Variants in DNER observed in about 807,000 individuals in gnomAD.
The protein encoded by DNER is delta and Notch-like epidermal growth factor-related receptor.
In DNER, 33 loss-of-function variants were observed where a neutral mutation model predicts 78.2. That is an observed-to-expected ratio of 0.42 (90% CI 0.32 to 0.56). The LOEUF is 0.56. DNER is among the 20% of genes least tolerant of loss of function. The pLI, the probability that DNER is intolerant of heterozygous loss-of-function variation, is 0.11. For synonymous variants in DNER, 417 were observed against 384.8 expected, an observed-to-expected ratio of 1.08 and a Z score of -0.98; for missense variants, 918 against 975.3, an observed-to-expected ratio of 0.94 and a Z score of 0.78.
chr2:229,367,298 G>A (rs1692373273), intron 11 of DNER, among the ~76,000 whole-genome samples, 179 bp from the exon 12 acceptor site: 1 of 152,118 alleles, frequency 6.6e-6, no homozygotes, highest in Admixed American at 6.5e-5. Context: ...GACTTCTTAA[G>A]AATAACTAAG....
chr2:229,384,017 A>C (rs1237283447), intron 11 of DNER, among the ~76,000 whole-genome samples: 1 of 152,012 alleles, frequency 6.6e-6, no homozygotes, highest in African/African-American at 2.4e-5. Flanking sequence ...GAAGTAAAAC[A>C]CTCCTCAGCA....
At chr2:229,699,984 C>T (rs1699717739) in intron 1 of DNER, among the ~76,000 whole-genome samples, 2 of 151,822 alleles carry the variant, frequency 1.3e-5, no homozygotes, top group South Asian at 4.2e-4. Context: ...TAATTTCCCT[C>T]ATTAACAACA....
Position 229,703,480 on chromosome 2 carries a change from G to C in DNER, c.276+10668C>G, listed in dbSNP as rs573326774. ...GGGGATTTTTGTGGCCTTGGGTTAG[G>C]CAAAGATCTCTCAGATAGGACACAA... On this transcript the variant is annotated intron_variant, in intron 1 of 12. Coordinates refer to ENST00000341772, the MANE Select transcript of DNER (RefSeq NM_139072.4). Among the ~76,000 whole-genome samples, 23 of 152,202 alleles carry C rather than the reference G, an allele frequency of 1.5e-4. 1 individual carries two copies. In the South Asian group the frequency reaches 4.6e-3, roughly 30 times the overall value.
At chr2:229,426,440 C>CAAAAAAAA (rs58842918) in intron 8 of DNER, among the ~76,000 whole-genome samples, 1 of 69,210 alleles carries the variant, frequency 1.4e-5, no homozygotes, top group Non-Finnish European at 2.7e-5. Context: ...GACTCCATCT[C>CAAAAAAAA]AAAAAAAAAA....
intron 7 of DNER, among the ~76,000 whole-genome samples, chr2:229,467,913 G>A (rs778870766): frequency 1.8e-4 from 28 of 152,220 alleles, no homozygotes; most frequent in Non-Finnish European, 3.5e-4. Context: ...TTGGAAGGGA[G>A]TCAAAATACA....
chr2:229,586,572 G>T (rs1285262843), intron 3 of DNER: 9 of 306,648 alleles, frequency 2.9e-5, no homozygotes, highest in South Asian at 1.4e-4. Flanking sequence ...ACCCCACAGA[G>T]AATAGGATGT....
At chr2:229,651,079 C>T (rs1228373586) in intron 1 of DNER, among the ~76,000 whole-genome samples, 1 of 152,142 alleles carries the variant, frequency 6.6e-6, no homozygotes, top group African/African-American at 2.4e-5. Flanking sequence ...CGCTCTAATT[C>T]GAGTTGAGTC....
intron 10 of DNER, among the ~76,000 whole-genome samples, chr2:229,390,757 C>G (rs1044681928): frequency 6.6e-6 from 1 of 152,206 alleles, no homozygotes; most frequent in Non-Finnish European, 1.5e-5. Context: ...CAGTCAGGGC[C>G]CCACTTAGCT....
intron 9 of DNER, among the ~76,000 whole-genome samples, chr2:229,410,628 T>G (rs1693489625): frequency 1.3e-5 from 2 of 152,204 alleles, no homozygotes; most frequent in African/African-American, 4.8e-5. Flanking sequence ...AAACTGTAAT[T>G]CAGTCAAAAC....
chr2:229,483,200 C>CCT (rs1336027311), intron 6 of DNER, among the ~76,000 whole-genome samples: 2 of 152,150 alleles, frequency 1.3e-5, no homozygotes, highest in African/African-American at 4.8e-5. Flanking sequence ...AAACCTCCCT[C>CCT]CCAGAAACAA....
At chr2:229,501,233 C>T (rs1353890406) in intron 6 of DNER, among the ~76,000 whole-genome samples, 2 of 151,542 alleles carry the variant, frequency 1.3e-5, no homozygotes, top group East Asian at 3.9e-4. Flanking sequence ...TTGTACAACA[C>T]CGTGACTATA....
chr2:229,447,339 C>T lies in DNER; in HGVS notation c.1463G>A (p.Ser488Asn). Reference sequence around the variant, plus strand: ...ACCTGGATCACAGAGGCATTTGTAGCTGGTGCCCACGCTGCGGCACGTGCC... The same window carrying T: ...ACCTGGATCACAGAGGCATTTGTAGTTGGTGCCCACGCTGCGGCACGTGCC... ...AHGTCRSVGT[S>N]YKCLCDPGYH... is the part of the protein sequence containing the mutation. Residue 488 changes from serine to asparagine, a missense_variant, in exon 8 of 13, where the codon AGC (serine) becomes AAC (asparagine). Coordinates refer to ENST00000341772, the MANE Select transcript of DNER (RefSeq NM_139072.4). 6.2e-7 allele frequency: 1 copy of T among 1,606,264 alleles called. No homozygotes were observed. Among genetic ancestry groups the T allele is most frequent in the Non-Finnish European group, 8.5e-7 (1 of 1,176,398 alleles).
chr2:229,543,155 T>TAA (rs983190864), intron 5 of DNER, among the ~76,000 whole-genome samples: 1 of 145,028 alleles, frequency 6.9e-6, no homozygotes, highest in Non-Finnish European at 1.5e-5. Context: ...CTTAAAGTAT[T>TAA]AAAAAAAAAA....
chr2:229,497,725 A>G (rs1388985041), intron 6 of DNER, among the ~76,000 whole-genome samples: 1 of 152,186 alleles, frequency 6.6e-6, no homozygotes, highest in Non-Finnish European at 1.5e-5. Context: ...CAAATGCATA[A>G]ATTTCTAGAA....
chr2:229,558,546 CAAAT>C (rs1182911078), intron 4 of DNER, among the ~76,000 whole-genome samples: 1 of 152,158 alleles, frequency 6.6e-6, no homozygotes, highest in African/African-American at 2.4e-5. Context: ...AAAGTTTTCA[CAAAT>C]AAACATTTGC....
At chr2:229,371,552 T>C (rs1219695966) in intron 11 of DNER, among the ~76,000 whole-genome samples, 2 of 152,220 alleles carry the variant, frequency 1.3e-5, no homozygotes, top group Non-Finnish European at 2.9e-5. Context: ...CAAAGTGCTT[T>C]TGCATTAAGC....
At chr2:229,643,273 C>G (rs552909308) in intron 1 of DNER, among the ~76,000 whole-genome samples, 1 of 152,164 alleles carries the variant, frequency 6.6e-6, no homozygotes, top group Admixed American at 6.5e-5. Flanking sequence ...GGAGGTACTA[C>G]CTATGTGGTC....
At chr2:229,627,390 A>G (rs1698362905) in intron 1 of DNER, among the ~76,000 whole-genome samples, 1 of 152,248 alleles carries the variant, frequency 6.6e-6, no homozygotes, top group Non-Finnish European at 1.5e-5. Flanking sequence ...ACAACTTTAG[A>G]CATAACAGAT....
intron 1 of DNER, among the ~76,000 whole-genome samples, chr2:229,595,110 T>G (rs1220157042): frequency 3.3e-5 from 5 of 152,140 alleles, no homozygotes; most frequent in Non-Finnish European, 7.4e-5. Flanking sequence ...ACAATACTTA[T>G]TTGTGCGCCT....
Sources: gnomAD v4.1 joint callset for allele counts (sites outside exome capture counted in the v4.1 genomes callset) on GRCh38, gnomAD v4.1.1 for gene constraint, MANE v1.5 for transcripts, NCBI Gene and HGNC (gene_info 2026-07-23, HGNC 2026-07-21) for gene names.